The following HS3ST4 variants were observed in gnomAD, a reference collection of about 807,000 sequenced individuals.
HS3ST4 encodes the protein heparan sulfate-glucosamine 3-sulfotransferase 4.
Under a neutral mutation model 29.2 loss-of-function variants are expected in HS3ST4, and 17 were observed. The ratio of observed to expected loss-of-function variants is 0.58; its 90% CI spans 0.40 to 0.87. The LOEUF (loss-of-function observed/expected upper bound fraction) is 0.87. Among genes scored for constraint, HS3ST4 ranks in the 40% least tolerant of loss-of-function variants. HS3ST4 has a pLI of 0.00. For missense variants in HS3ST4, 627 were observed against 634.5 expected (o/e 0.99, Z 0.13); for synonymous variants, 314 against 285.7 (o/e 1.10, Z -1.00).
chr16:26,121,353 T>G (rs939894441), intron 1 of HS3ST4, among the ~76,000 whole-genome samples: 2 of 152,078 alleles, frequency 1.3e-5, no homozygotes, highest in African/African-American at 2.4e-5. Context: ...GAAAGGCAGG[T>G]GGAACAAAGT....
intron 1 of HS3ST4, among the ~76,000 whole-genome samples, chr16:25,761,012 C>CAG (rs766776136): frequency 2.6e-5 from 4 of 152,218 alleles, no homozygotes. Flanking sequence ...AGCCAGATGG[C>CAG]AGAGAGAGTG....
intron 1 of HS3ST4, among the ~76,000 whole-genome samples, chr16:26,043,279 A>C (rs1343177213): frequency 6.6e-6 from 1 of 152,186 alleles, no homozygotes; most frequent in Non-Finnish European, 1.5e-5. Context: ...CTATTTATGG[A>C]GGGTTTCAAA....
chr16:26,107,295 A>ATG (rs538086174), intron 1 of HS3ST4, among the ~76,000 whole-genome samples: 99 of 150,686 alleles, frequency 6.6e-4, no homozygotes, highest in Admixed American at 2.6e-3. Flanking sequence ...ATGTTTATAT[A>ATG]TGTGTGTGTG....
chr16:26,111,972 A>G (rs9932640), intron 1 of HS3ST4, among the ~76,000 whole-genome samples: 100,816 of 150,464 alleles, frequency 0.67, 34,090 homozygotes, highest in Middle Eastern at 0.74. Context: ...AGCCAAGATC[A>G]TGCCACTGCA....
intron 1 of HS3ST4, among the ~76,000 whole-genome samples, chr16:25,794,040 T>G (rs146380755): frequency 0.014 from 2,189 of 152,206 alleles, 53 homozygotes; most frequent in African/African-American, 0.049. Context: ...GGATTTGTAC[T>G]GATGTTGGTC....
At chr16:25,924,715 T>A (rs896744292) in intron 1 of HS3ST4, among the ~76,000 whole-genome samples, 8 of 152,180 alleles carry the variant, frequency 5.3e-5, no homozygotes, top group African/African-American at 1.9e-4. Flanking sequence ...TTCCCTCTAT[T>A]ATAAAATGTA....
chr16:25,794,483 A>G (rs1254207426), intron 1 of HS3ST4, among the ~76,000 whole-genome samples: 1 of 151,856 alleles, frequency 6.6e-6, no homozygotes, highest in Non-Finnish European at 1.5e-5. Context: ...TCACTAGCGA[A>G]AAATGTTTTC....
rs200106888 is a variant in HS3ST4, at chr16:25,813,082, G to A, written c.734+119931G>A. Among the ~76,000 whole-genome samples the A allele has an allele frequency of 8.5e-5, 13 of 152,120 alleles. No individual in the cohort carries two copies. In the South Asian group the frequency reaches 1.5e-3, roughly 17 times the overall value. On this transcript the variant is annotated intron_variant, in intron 1 of 1. Coordinates refer to ENST00000331351, the MANE Select transcript of HS3ST4 (RefSeq NM_006040.3). ...CTCATGTCCAGAACGTATAAAGAAC[G>A]CCTACGTATCTACAATACAAATACA...
intron 1 of HS3ST4, among the ~76,000 whole-genome samples, chr16:25,887,702 T>TG (rs5816333): frequency 0.18 from 25,924 of 142,158 alleles, 2,997 homozygotes; most frequent in Non-Finnish European, 0.26. Flanking sequence ...TTTTTTTTTT[T>TG]TTTTTTTTTT....
At chr16:25,788,537 C>CTTTTTT (rs1966861174) in intron 1 of HS3ST4, among the ~76,000 whole-genome samples, 1 of 70,212 alleles carries the variant, frequency 1.4e-5, no homozygotes, top group Non-Finnish European at 3.0e-5. Flanking sequence ...TTTTTCTTTT[C>CTTTTTT]TTCTTTCTTT....
At chr16:25,762,893 A>AAAAAG (rs1555464553) in intron 1 of HS3ST4, among the ~76,000 whole-genome samples, 98 of 149,264 alleles carry the variant, frequency 6.6e-4, no homozygotes, top group African/African-American at 2.3e-3. Flanking sequence ...AAAAAAAAAA[A>AAAAAG]AAAAAAGAAA....
chr16:26,090,894 A>G (rs1001342598), intron 1 of HS3ST4, among the ~76,000 whole-genome samples: 18 of 152,192 alleles, frequency 1.2e-4, no homozygotes, highest in African/African-American at 4.3e-4. Flanking sequence ...AATGAGGTGC[A>G]TGCCTGACTC....
At chr16:26,014,007 A>AAAATAATAAATAAAT (rs1969338924) in intron 1 of HS3ST4, among the ~76,000 whole-genome samples, 1 of 145,592 alleles carries the variant, frequency 6.9e-6, no homozygotes, top group East Asian at 2.0e-4. Flanking sequence ...ACTCTGTCTC[A>AAAATAATAAATAAAT]AAATAAATAA....
intron 1 of HS3ST4, among the ~76,000 whole-genome samples, chr16:25,824,394 A>C (rs1257205843): frequency 6.6e-6 from 1 of 152,204 alleles, no homozygotes; most frequent in Non-Finnish European, 1.5e-5. Context: ...TTTATAAAGG[A>C]AAGAGGCTTA....
intron 1 of HS3ST4, among the ~76,000 whole-genome samples, chr16:25,786,670 A>G (rs1199732833): frequency 3.3e-5 from 5 of 152,226 alleles, no homozygotes; most frequent in Non-Finnish European, 2.9e-5. Context: ...CAAGTAAATC[A>G]GACAAACAGT....
chr16:25,917,965 A>T (rs1268666344), intron 1 of HS3ST4, among the ~76,000 whole-genome samples: 1 of 152,150 alleles, frequency 6.6e-6, no homozygotes, highest in Non-Finnish European at 1.5e-5. Flanking sequence ...CACCCCATCC[A>T]TGCTTACTTT....
At chr16:25,901,496 C>T (rs1968118961) in intron 1 of HS3ST4, among the ~76,000 whole-genome samples, 1 of 152,130 alleles carries the variant, frequency 6.6e-6, no homozygotes, top group Admixed American at 6.6e-5. Flanking sequence ...CATGGAGAAA[C>T]CCCGTCTCTA....
At chr16:25,942,697 C>T (rs114678006) in intron 1 of HS3ST4, among the ~76,000 whole-genome samples, 3,006 of 151,454 alleles carry the variant, frequency 0.02, 90 homozygotes, top group African/African-American at 0.071. Context: ...TGGCTCACTG[C>T]AGTCTCGAAC....
At position 25,692,747 on chromosome 16, in the gene HS3ST4, G is replaced by A; in HGVS notation, c.330G>A (p.Glu110=). 7.7e-7 allele frequency: 1 copy of A among 1,292,572 alleles called. No homozygotes were observed. Among genetic ancestry groups the A allele is most frequent in the Non-Finnish European group, 9.8e-7 (1 of 1,025,378 alleles). The allele number at this position is 1,292,572 out of a possible 1,614,324, so 80.1% of individuals were successfully genotyped here. A position where few individuals can be genotyped will look rare whatever the true frequency, so the allele number is the denominator to read the frequency against. ...PPPLDNASHG[E]PPEPPEQPAA... is the part of the protein sequence containing the mutation. ...CGCTGGACAACGCGAGCCACGGGGA[G>A]CCGCCCGAGCCCCCAGAGCAGCCAG... The change falls in exon 1 of 2, where the codon GAG becomes GAA. Residue 110 remains glutamate (E), a synonymous_variant. Coordinates refer to ENST00000331351, the MANE Select transcript of HS3ST4 (RefSeq NM_006040.3).
Sources: gnomAD v4.1 joint callset for allele counts (sites outside exome capture counted in the v4.1 genomes callset) on GRCh38, gnomAD v4.1.1 for gene constraint, MANE v1.5 for transcripts, NCBI Gene and HGNC (gene_info 2026-07-23, HGNC 2026-07-21) for gene names.